Variants in ARMH3 observed in about 807,000 individuals in gnomAD.
ARMH3 encodes the protein armadillo-like helical domain-containing protein 3.
Under a neutral mutation model 99.1 loss-of-function variants are expected in ARMH3, and 60 were observed. The observed-to-expected ratio is 0.61, with a 90% CI of 0.49 to 0.75. ARMH3 has a LOEUF of 0.75. ARMH3 is among the 30% of genes least tolerant of loss of function. ARMH3 has a pLI of 0.00. For missense variants in ARMH3, 679 were observed against 843.1 expected (o/e 0.81, Z 2.41); for synonymous variants, 285 against 292.8 (o/e 0.97, Z 0.27).
chr10:101,992,402 T>TA (rs555193705), intron 17 of ARMH3, among the ~76,000 whole-genome samples: 3 of 149,480 alleles, frequency 2.0e-5, no homozygotes, highest in East Asian at 1.9e-4. Flanking sequence ...ATAATAATAA[T>TA]AAAAAAAAGA....
At chr10:101,867,315 T>C (rs941005210) in intron 24 of ARMH3, among the ~76,000 whole-genome samples, 3 of 152,226 alleles carry the variant, frequency 2.0e-5, no homozygotes, top group African/African-American at 4.8e-5. Context: ...TACTGTACAA[T>C]GCCACTGGCT....
chr10:102,035,452 G>T (rs956701293), intron 2 of ARMH3, among the ~76,000 whole-genome samples: 1 of 152,182 alleles, frequency 6.6e-6, no homozygotes, highest in African/African-American at 2.4e-5. Context: ...CTCTGATGCC[G>T]AGCCGAAGCT....
At chr10:102,049,496 C>T (rs574061663) in intron 1 of ARMH3, among the ~76,000 whole-genome samples, 407 of 151,550 alleles carry the variant, frequency 2.7e-3, no homozygotes, top group African/African-American at 9.2e-3. Context: ...GAGCCAAGAT[C>T]GCGCCACTGC....
chr10:101,972,001 T>C (rs1460992872), intron 20 of ARMH3, among the ~76,000 whole-genome samples: 1 of 152,182 alleles, frequency 6.6e-6, no homozygotes, highest in Non-Finnish European at 1.5e-5. Context: ...CTAGTTAAAA[T>C]TAGCCTAAAT....
chr10:101,939,762 G>C (rs1003142761), intron 23 of ARMH3, 101 bp downstream of exon 23: 5 of 981,258 alleles, frequency 5.1e-6, no homozygotes, highest in Non-Finnish European at 7.7e-6. Flanking sequence ...AGACATCAAG[G>C]CTTAAAATAG....
chr10:102,008,709 C>T (rs926923672), intron 13 of ARMH3, among the ~76,000 whole-genome samples: 9 of 151,900 alleles, frequency 5.9e-5, no homozygotes, highest in African/African-American at 1.9e-4. Context: ...TCCGCCACCA[C>T]GCCCAGCTAT....
intron 23 of ARMH3, among the ~76,000 whole-genome samples, chr10:101,904,077 A>C (rs2068042639): frequency 6.6e-6 from 1 of 152,216 alleles, no homozygotes; most frequent in Non-Finnish European, 1.5e-5. Context: ...TTAAAGCCAC[A>C]CTGAAGCCTC....
Position 102,023,672 on chromosome 10 carries a change from T to G in ARMH3, c.582+3A>C, listed in dbSNP as rs747752130. The G allele has an allele frequency of 6.2e-7, 1 of 1,613,612 alleles. No individual in the cohort carries two copies. The highest frequency in any genetic ancestry group is 2.2e-5 in the East Asian group (1 of 44,884). Reference sequence around the variant, plus strand: ...CAAAGAGAGGAGGTAACAAGGGACCTACCTGTAAAATTGCTTCAAATATGC... The same window carrying G: ...CAAAGAGAGGAGGTAACAAGGGACCGACCTGTAAAATTGCTTCAAATATGC... On this transcript the variant is annotated splice_donor_region_variant and intron_variant, in intron 7 of 25. Transcript: ENST00000370033.
chr10:102,007,159 C>CTAAAAAAAAAA (rs2066513222), intron 13 of ARMH3, among the ~76,000 whole-genome samples: 1 of 60,054 alleles, frequency 1.7e-5, no homozygotes, highest in African/African-American at 7.1e-5. Flanking sequence ...GACTCTATCT[C>CTAAAAAAAAAA]AAAAAAAAAA....
chr10:101,954,165 A>G (rs1246963123), intron 22 of ARMH3, among the ~76,000 whole-genome samples: 1 of 152,178 alleles, frequency 6.6e-6, no homozygotes, highest in Non-Finnish European at 1.5e-5. Flanking sequence ...GCACTCCACC[A>G]TGGGTGAAAG....
chr10:101,859,671 A>G (rs1458465850), intron 24 of ARMH3, among the ~76,000 whole-genome samples: 8 of 152,216 alleles, frequency 5.3e-5, no homozygotes, highest in Admixed American at 5.2e-4. Flanking sequence ...TACTTATTAG[A>G]TAACTGTCCA....
At chr10:102,039,698 G>A (rs892201050) in intron 2 of ARMH3, among the ~76,000 whole-genome samples, 1 of 152,192 alleles carries the variant, frequency 6.6e-6, no homozygotes, top group African/African-American at 2.4e-5. Context: ...CCCTAAGTTA[G>A]AGCATAAGGA....
intron 23 of ARMH3, among the ~76,000 whole-genome samples, chr10:101,921,409 A>C (rs758906548): frequency 4.5e-4 from 69 of 152,170 alleles, no homozygotes; most frequent in Non-Finnish European, 7.8e-4. Flanking sequence ...CTGGGGTTCT[A>C]TGTCCTGATC....
intron 20 of ARMH3, among the ~76,000 whole-genome samples, chr10:101,967,860 C>A (rs1302017707): frequency 6.6e-6 from 1 of 152,154 alleles, no homozygotes; most frequent in Non-Finnish European, 1.5e-5. Flanking sequence ...AATGAAATGG[C>A]TCTGGCTGTA....
intron 2 of ARMH3, among the ~76,000 whole-genome samples, chr10:102,038,237 G>A (rs1029445079): frequency 6.6e-6 from 1 of 151,246 alleles, no homozygotes; most frequent in Non-Finnish European, 1.5e-5. Flanking sequence ...TGGGACTACA[G>A]GCGCCCACCA....
chr10:102,034,937 AAAAT>A (rs1285019985), intron 2 of ARMH3, among the ~76,000 whole-genome samples: 1 of 151,914 alleles, frequency 6.6e-6, no homozygotes, highest in Non-Finnish European at 1.5e-5. Flanking sequence ...ATAAAAAATA[AAAAT>A]AAATAAGTAA....
At chr10:101,904,719 C>T (rs1014346628) in intron 23 of ARMH3, among the ~76,000 whole-genome samples, 2 of 151,344 alleles carry the variant, frequency 1.3e-5, no homozygotes, top group Admixed American at 6.6e-5. Context: ...TTTGGGAGGC[C>T]GAGGCAGGCA....
intron 24 of ARMH3, among the ~76,000 whole-genome samples, chr10:101,853,867 C>G (rs1479600482): frequency 2.0e-5 from 3 of 152,226 alleles, no homozygotes; most frequent in Non-Finnish European, 4.4e-5. Context: ...GTAATCCCAG[C>G]ACTTTGGGAG....
At chr10:101,966,285 GT>G (rs34196495) in intron 20 of ARMH3, among the ~76,000 whole-genome samples, 38,195 of 80,662 alleles carry the variant, frequency 0.47, 8,376 homozygotes, top group Middle Eastern at 0.55. Flanking sequence ...TTTGGTTTGG[GT>G]TTTTTTTTTT....
Sources: allele counts gnomAD v4.1 joint callset (sites outside exome capture counted in the v4.1 genomes callset), GRCh38; gene constraint gnomAD v4.1.1; transcripts MANE v1.5; gene names NCBI Gene and HGNC (gene_info 2026-07-23, HGNC 2026-07-21).